PRICKLE2: variants seen among roughly 807,000 people sequenced by gnomAD.
The protein encoded by PRICKLE2 is prickle-like protein 2.
PRICKLE2 carries 21 observed loss-of-function variants against 81.4 expected under a neutral mutation model. The ratio of observed to expected loss-of-function variants is 0.26; its 90% CI spans 0.18 to 0.37. The LOEUF is 0.37. Ranked by LOEUF, PRICKLE2 falls within the 10% of genes least tolerant of loss-of-function variation. The pLI is 1.00. For synonymous variants in PRICKLE2, 456 were observed against 421.5 expected, an observed-to-expected ratio of 1.08 and a Z score of -1.00; for missense variants, 940 against 1,109.0, an observed-to-expected ratio of 0.85 and a Z score of 2.16.
intron 7 of PRICKLE2, among the ~76,000 whole-genome samples, chr3:64,114,180 G>T (rs2076897604): frequency 6.7e-6 from 1 of 149,946 alleles, no homozygotes; most frequent in South Asian, 2.1e-4. Flanking sequence ...AACCCTCAAA[G>T]TCATCAAATA....
At chr3:64,184,282 T>C (rs990084072) in intron 2 of PRICKLE2, among the ~76,000 whole-genome samples, 4 of 152,172 alleles carry the variant, frequency 2.6e-5, no homozygotes, top group Admixed American at 6.5e-5. Flanking sequence ...TGAGAAAGAA[T>C]GACCTCAACA....
intron 7 of PRICKLE2, among the ~76,000 whole-genome samples, chr3:64,131,061 C>G (rs535486656): frequency 1.4e-3 from 206 of 152,320 alleles, no homozygotes; most frequent in African/African-American, 4.8e-3. Flanking sequence ...TTAACCAGAG[C>G]AAAGCTGAGT....
chr3:64,119,194 G>A (rs956872559), intron 7 of PRICKLE2, among the ~76,000 whole-genome samples: 7 of 152,044 alleles, frequency 4.6e-5, no homozygotes, highest in African/African-American at 1.7e-4. Context: ...CACATGGAGG[G>A]GAACAACACA....
intron 2 of PRICKLE2, among the ~76,000 whole-genome samples, chr3:64,265,821 A>C (rs1239968668): frequency 6.6e-6 from 1 of 152,210 alleles, no homozygotes; most frequent in East Asian, 1.9e-4. Context: ...TTCTGGCTTA[A>C]AAGAAATCTT....
At chr3:64,252,179 T>C (rs2079456538) in intron 2 of PRICKLE2, among the ~76,000 whole-genome samples, 1 of 152,320 alleles carries the variant, frequency 6.6e-6, no homozygotes, top group South Asian at 2.1e-4. Context: ...GAAGATTAAA[T>C]GAAGTGCTTC....
chr3:64,104,080 A>G (rs2076713832), intron 7 of PRICKLE2, among the ~76,000 whole-genome samples: 1 of 152,234 alleles, frequency 6.6e-6, no homozygotes, highest in African/African-American at 2.4e-5. Flanking sequence ...TCAGCTAAAT[A>G]TCATATACTC....
At position 64,198,928 on chromosome 3, in the gene PRICKLE2, G is replaced by A. The variant is rs1346572506; in HGVS notation, c.-1C>T. The A allele has an allele frequency of 1.9e-6, 3 of 1,614,008 alleles. No homozygotes were observed. The South Asian group carries it at 3.3e-5, about 18-fold the overall frequency. On this transcript the variant is annotated 5_prime_UTR_variant, in exon 2 of 8. Transcript: ENST00000638394. The stretch of plus-strand genomic sequence containing the variant: ...TCTCCAGCGGCATCACTGTCACCAT[G>A]TGCTCCTCCTGGGGACACTTGCAGT...
chr3:64,171,986 C>T (rs1032642941), intron 2 of PRICKLE2, among the ~76,000 whole-genome samples: 2 of 152,176 alleles, frequency 1.3e-5, no homozygotes, highest in Admixed American at 6.5e-5. Flanking sequence ...TGCCCTAAGC[C>T]GGTACCATAA....
chr3:64,258,073 T>C (rs2079555069), intron 2 of PRICKLE2, among the ~76,000 whole-genome samples: 1 of 152,120 alleles, frequency 6.6e-6, no homozygotes, highest in Non-Finnish European at 1.5e-5. Flanking sequence ...AGAAAATCTG[T>C]TGTTTATAAG....
At chr3:64,214,952 A>G (rs2107140957) in intron 1 of PRICKLE2, among the ~76,000 whole-genome samples, 1 of 152,092 alleles carries the variant, frequency 6.6e-6, no homozygotes, top group Middle Eastern at 3.4e-3. Context: ...TATCTTTACT[A>G]TCCTACTCCA....
Position 64,193,598 on chromosome 3 carries a change from A to G in PRICKLE2, c.144+5186T>C, listed in dbSNP as rs956256723. Among the ~76,000 whole-genome samples, 36 of 152,302 alleles carry G rather than the reference A, an allele frequency of 2.4e-4. 1 individual carries two copies. Among genetic ancestry groups the G allele is most frequent in the Middle Eastern group, 3.4e-3 (1 of 294 alleles). On this transcript the variant is annotated intron_variant, in intron 2 of 7. Coordinates refer to ENST00000638394, the MANE Select transcript of PRICKLE2 (RefSeq NM_198859.4). ...CAAATCAAAGCAGAAATATACTCCT[A>G]CACACATAGAAACTTGAATATACAG... is the stretch of plus-strand genomic sequence containing the variant.
At chr3:64,123,173 C>T (rs993568335) in intron 7 of PRICKLE2, among the ~76,000 whole-genome samples, 3 of 152,064 alleles carry the variant, frequency 2.0e-5, no homozygotes, top group Middle Eastern at 3.2e-3. Context: ...ACTCCTTGAT[C>T]CAACAGTCTT....
rs2076579066 is a variant in PRICKLE2 at position 64,096,875 on chromosome 3, T to C, written c.*2176A>G. ...ACATATTTTCAACCGTTTGCTAAGATAAGTGATCTACTTTTCCCCCTCTCT... is the reference window on the plus strand; with the variant it reads ...ACATATTTTCAACCGTTTGCTAAGACAAGTGATCTACTTTTCCCCCTCTCT... On this transcript the variant is annotated 3_prime_UTR_variant, in exon 8 of 8. Coordinates refer to ENST00000638394, the MANE Select transcript of PRICKLE2 (RefSeq NM_198859.4). 6.6e-6 allele frequency: 1 copy of C among 152,652 alleles called. No individual in the cohort carries two copies. The highest frequency in any genetic ancestry group is 2.1e-4 in the South Asian group (1 of 4,830). The allele number at this position is 152,652 out of a possible 1,614,324, so 9.5% of individuals were successfully genotyped here. A position where few individuals can be genotyped will look rare whatever the true frequency, so the allele number is the denominator to read the frequency against.
At chr3:64,226,112 T>C (rs1197000860), upstream of PRICKLE2, among the ~76,000 whole-genome samples, 1 of 152,170 alleles carries the variant, frequency 6.6e-6, no homozygotes, top group Non-Finnish European at 1.5e-5. Context: ...CCAGGGCATC[T>C]GAAGACCCTG....
chr3:64,102,363 G>A (rs985363210), intron 7 of PRICKLE2: 9 of 152,242 alleles, frequency 5.9e-5, no homozygotes, highest in Non-Finnish European at 1.2e-4. Context: ...TCCAACTACT[G>A]CCTGACCTCT....
At chr3:64,181,061 C>G (rs1283149588) in intron 2 of PRICKLE2, among the ~76,000 whole-genome samples, 3 of 152,160 alleles carry the variant, frequency 2.0e-5, no homozygotes, top group Non-Finnish European at 4.4e-5. Flanking sequence ...TCTGGCAACT[C>G]ATTCGTGTGT....
In PRICKLE2 at chr3:64,099,394, C is replaced by G. The variant is rs1317618886; in HGVS notation, c.2192G>C (p.Ser731Thr). 1 of 1,603,000 alleles carries G rather than the reference C, an allele frequency of 6.2e-7. No individual in the cohort carries two copies. Among genetic ancestry groups the G allele is most frequent in the Admixed American group, 1.7e-5 (1 of 59,148 alleles). The change falls in exon 8 of 8, where the codon AGC (serine) becomes ACC (threonine). Residue 731 changes from serine (S) to threonine (T), a missense_variant. Transcript: ENST00000638394. The surrounding 1 kb of genome is among the most constrained non-coding windows in gnomAD (Gnocchi z 4.3). ...CCCATGCCCCATGCTCTCCTGGAAG[C>G]TCCGCTGGCGCATAAATTGGTCATA... ...EDYDQFMRQR[S>T]FQESMGHGSR...
Position 64,121,915 on chromosome 3 carries a change from C to G in PRICKLE2, c.1661-21990G>C, listed in dbSNP as rs536665025. ...ATACTGAATAAATCACTTCTCTCCTCTGAACCTTGGCTTTCTTCTGAACTT... is the reference window on the plus strand; with the variant it reads ...ATACTGAATAAATCACTTCTCTCCTGTGAACCTTGGCTTTCTTCTGAACTT... On this transcript the variant is annotated intron_variant, in intron 7 of 7. Coordinates refer to ENST00000638394, the MANE Select transcript of PRICKLE2 (RefSeq NM_198859.4). Among the ~76,000 whole-genome samples the G allele has an allele frequency of 9.2e-5, 14 of 152,316 alleles. 1 individual carries two copies. The highest frequency in any genetic ancestry group is 2.9e-4 in the African/African-American group (12 of 41,572).
intron 2 of PRICKLE2, among the ~76,000 whole-genome samples, chr3:64,254,043 T>C (rs955082291): frequency 2.0e-5 from 3 of 152,154 alleles, no homozygotes; most frequent in Non-Finnish European, 4.4e-5. Flanking sequence ...AGGTATATGT[T>C]TCGGGGCAGC....
Sources: allele counts gnomAD v4.1 joint callset (sites outside exome capture counted in the v4.1 genomes callset), GRCh38; gene constraint gnomAD v4.1.1; non-coding constraint Gnocchi (gnomAD v3.1); transcripts MANE v1.5; gene names NCBI Gene and HGNC (gene_info 2026-07-23, HGNC 2026-07-21).